The following ZFPM2 variants were observed in gnomAD, a reference collection of about 807,000 sequenced individuals.
ZFPM2 encodes zinc finger protein, FOG family member 2, also known as zinc finger protein ZFPM2.
In ZFPM2, 20 loss-of-function variants were observed where a neutral mutation model predicts 98.6. The ratio of observed to expected loss-of-function variants is 0.20; its 90% CI spans 0.14 to 0.29. ZFPM2 has a LOEUF of 0.29. Among genes scored for constraint, ZFPM2 ranks in the 10% least tolerant of loss-of-function variants. ZFPM2 has a pLI of 1.00. For synonymous variants in ZFPM2, 518 were observed against 502.7 expected (o/e 1.03, Z -0.41); for missense variants, 1,310 against 1,388.6 (o/e 0.94, Z 0.90).
At chr8:105,351,255 T>C (rs1812637775) in intron 1 of ZFPM2, among the ~76,000 whole-genome samples, 2 of 152,150 alleles carry the variant, frequency 1.3e-5, no homozygotes, top group Admixed American at 1.3e-4. Flanking sequence ...TTAAATCATT[T>C]CTGTATTACT....
At chr8:105,720,294 A>G (rs1249972783) in intron 5 of ZFPM2, among the ~76,000 whole-genome samples, 1 of 151,878 alleles carries the variant, frequency 6.6e-6, no homozygotes, top group Non-Finnish European at 1.5e-5. Context: ...GTCCTTCTCC[A>G]ACATTTTCCA....
chr8:105,728,254 A>G (rs191828745), intron 5 of ZFPM2, among the ~76,000 whole-genome samples: 1 of 150,392 alleles, frequency 6.6e-6, no homozygotes, highest in East Asian at 2.1e-4. Context: ...GAGAGATTTT[A>G]TTTCCAGTGG....
intron 1 of ZFPM2, among the ~76,000 whole-genome samples, chr8:105,399,169 T>G (rs1811284334): frequency 6.6e-6 from 1 of 152,136 alleles, no homozygotes; most frequent in Non-Finnish European, 1.5e-5. Flanking sequence ...TTGTGGGCCA[T>G]GATATAGATT....
At chr8:105,584,084 T>A (rs1815660700) in intron 4 of ZFPM2, among the ~76,000 whole-genome samples, 1 of 152,166 alleles carries the variant, frequency 6.6e-6, no homozygotes, top group Admixed American at 6.5e-5. Flanking sequence ...AAGGCCTGAA[T>A]TATATTTTAG....
intron 4 of ZFPM2, among the ~76,000 whole-genome samples, chr8:105,612,831 A>G (rs995793039): frequency 6.6e-6 from 1 of 152,222 alleles, no homozygotes; most frequent in Non-Finnish European, 1.5e-5. Context: ...AAAAATGCAG[A>G]TGTTCCCAAA....
chr8:105,470,737 C>A (rs1422295227), intron 3 of ZFPM2, among the ~76,000 whole-genome samples: 1 of 151,724 alleles, frequency 6.6e-6, no homozygotes, highest in Non-Finnish European at 1.5e-5. Flanking sequence ...AAGATTGTGC[C>A]ACTGCACTCC....
At position 105,712,782 on chromosome 8, in the gene ZFPM2, C is replaced by T. The variant is rs553269552; in HGVS notation, c.533-75936C>T. On this transcript the variant is annotated intron_variant, in intron 5 of 7. Coordinates refer to ENST00000407775, the MANE Select transcript of ZFPM2 (RefSeq NM_012082.4). ...TCCAAGTGTATTCAGGGTTTAGCTTCAAATTGTAAGTAAGAACATGCAATA... is the reference window on the plus strand; with the variant it reads ...TCCAAGTGTATTCAGGGTTTAGCTTTAAATTGTAAGTAAGAACATGCAATA... Among the ~76,000 whole-genome samples the T allele has an allele frequency of 3.1e-3, 466 of 152,162 alleles. 1 individual carries two copies. Among genetic ancestry groups the T allele is most frequent in the African/African-American group, 0.01 (431 of 41,536 alleles).
At chr8:105,356,273 G>A (rs1812744812) in intron 1 of ZFPM2, among the ~76,000 whole-genome samples, 1 of 152,172 alleles carries the variant, frequency 6.6e-6, no homozygotes, top group African/African-American at 2.4e-5. Context: ...GGCCAAGACA[G>A]GTTTCTATGT....
intron 3 of ZFPM2, among the ~76,000 whole-genome samples, chr8:105,467,394 G>A (rs1382804611): frequency 6.6e-6 from 1 of 152,022 alleles, no homozygotes; most frequent in Non-Finnish European, 1.5e-5. Flanking sequence ...CTTATACCCA[G>A]CACATAGAGG....
chr8:105,372,649 A>C (rs142641501), intron 1 of ZFPM2, among the ~76,000 whole-genome samples: 46 of 152,298 alleles, frequency 3.0e-4, no homozygotes, highest in African/African-American at 1.1e-3. Flanking sequence ...TGATTTAAAC[A>C]TCTCTATATT....
At position 105,651,691 on chromosome 8, in the gene ZFPM2, CAAAGGCAACAATTCAATTTTT is replaced by C. The variant is rs537495827; in HGVS notation, c.532+17335_532+17355del. Among the ~76,000 whole-genome samples, 571 of 152,258 alleles carry C rather than the reference CAAAGGCAACAATTCAATTTTT, an allele frequency of 3.8e-3. 6 individuals carry two copies. Among genetic ancestry groups the C allele is most frequent in the African/African-American group, 0.013 (547 of 41,540 alleles). On this transcript the variant is annotated intron_variant, in intron 5 of 7. Coordinates refer to ENST00000407775, the MANE Select transcript of ZFPM2 (RefSeq NM_012082.4). Reference sequence around the variant, plus strand: ...TCTACCAAGCTGGATGTGAACACCTCAAAGGCAACAATTCAATTTTTCACCTCTGTAACTCCACAGCCAGCG... The same window carrying C: ...TCTACCAAGCTGGATGTGAACACCTCCACCTCTGTAACTCCACAGCCAGCG...
At chr8:105,586,848 TTATA>T (rs35303072) in intron 4 of ZFPM2, among the ~76,000 whole-genome samples, 2 of 147,004 alleles carry the variant, frequency 1.4e-5, no homozygotes, top group Admixed American at 6.8e-5. Context: ...TATAAATATT[TTATA>T]TATATATATA....
rs142391244 is a variant in ZFPM2 at position 105,523,961 on chromosome 8, C to T, written c.302-37402C>T. Reference sequence around the variant, plus strand: ...CCCATGTGCAAGTCCTGACTTCTCCCCAGACTGCTCCCTGAGCAAGTCTCT... The same window carrying T: ...CCCATGTGCAAGTCCTGACTTCTCCTCAGACTGCTCCCTGAGCAAGTCTCT... On this transcript the variant is annotated intron_variant, in intron 3 of 7. Coordinates refer to ENST00000407775, the MANE Select transcript of ZFPM2 (RefSeq NM_012082.4). 6.6e-5 allele frequency among the ~76,000 whole-genome samples: 10 copies of T among 152,220 alleles called. No homozygotes were observed. The East Asian group carries it at 1.7e-3, about 26-fold the overall frequency.
At chr8:105,502,843 G>T (rs1813624482) in intron 3 of ZFPM2, among the ~76,000 whole-genome samples, 1 of 152,134 alleles carries the variant, frequency 6.6e-6, no homozygotes. Flanking sequence ...GTTGTCTGTG[G>T]ATTCATACTC....
chr8:105,477,761 G>A, intron 3 of ZFPM2, among the ~76,000 whole-genome samples: 1 of 152,232 alleles, frequency 6.6e-6, no homozygotes, highest in Non-Finnish European at 1.5e-5. Flanking sequence ...TTAGGTAATG[G>A]ATCTTCCATT....
At chr8:105,460,189 A>G (rs1023128015) in intron 3 of ZFPM2, among the ~76,000 whole-genome samples, 5 of 152,192 alleles carry the variant, frequency 3.3e-5, no homozygotes, top group South Asian at 2.1e-4. Context: ...TTTCTTGTGC[A>G]GGAAAGGTTT....
intron 1 of ZFPM2, among the ~76,000 whole-genome samples, chr8:105,376,884 C>T (rs1319587012): frequency 6.6e-6 from 1 of 152,112 alleles, no homozygotes; most frequent in African/African-American, 2.4e-5. Flanking sequence ...ATAATGATAC[C>T]ATGCCACTCA....
At chr8:105,374,505 C>G (rs770189610) in intron 1 of ZFPM2, among the ~76,000 whole-genome samples, 9 of 151,926 alleles carry the variant, frequency 5.9e-5, no homozygotes, top group Non-Finnish European at 8.8e-5. Flanking sequence ...CCCCCTTCAG[C>G]CTCACAAGTA....
intron 1 of ZFPM2, chr8:105,387,151 T>C (rs572739270): frequency 2.3e-4 from 35 of 152,644 alleles, no homozygotes; most frequent in African/African-American, 8.4e-4. Context: ...GGGTGCTGAC[T>C]GGTGTGTTTA....
Sources: gnomAD v4.1 joint callset for allele counts (sites outside exome capture counted in the v4.1 genomes callset) on GRCh38, gnomAD v4.1.1 for gene constraint, MANE v1.5 for transcripts, NCBI Gene and HGNC (gene_info 2026-07-23, HGNC 2026-07-21) for gene names.